Variants in ATG2B observed in about 807,000 individuals in gnomAD.
The protein encoded by ATG2B is autophagy related 2B, also known as autophagy-related protein 2 homolog B.
ATG2B carries 121 observed loss-of-function variants against 241.3 expected under a neutral mutation model. The ratio of observed to expected loss-of-function variants is 0.50; its 90% CI spans 0.43 to 0.58. The LOEUF (loss-of-function observed/expected upper bound fraction) is 0.58. Ranked by LOEUF, ATG2B falls within the 20% of genes least tolerant of loss-of-function variation. The pLI is 0.00. For synonymous variants in ATG2B, 858 were observed against 876.6 expected, an observed-to-expected ratio of 0.98 and a Z score of 0.37; for missense variants, 2,306 against 2,491.6, an observed-to-expected ratio of 0.93 and a Z score of 1.59.
At chr14:96,327,903 C>T (rs536456267) in intron 14 of ATG2B, among the ~76,000 whole-genome samples, 107 of 152,154 alleles carry the variant, frequency 7.0e-4, no homozygotes, top group Non-Finnish European at 1.1e-3. Flanking sequence ...CTGCAACCTC[C>T]GCCTCCTGGG....
At position 96,332,307 on chromosome 14, in the gene ATG2B, G is replaced by A; in HGVS notation, c.1466C>T (p.Thr489Ile). ...NLVHPTPLQK[T>I]SLPSRSVSVD... ...ACAAATGTCTTATTTTTACTTACAT[G>A]TCTTCTGTAAAGGTGTTGGGTGAAC... Residue 489 changes from threonine (T) to isoleucine (I), a missense_variant and splice_region_variant, in exon 10 of 42, where the codon ACA (threonine) becomes ATA (isoleucine). Thr to Ile is a moderately conservative substitution (Grantham distance 89). Around this residue, in one of 2 missense-constraint regions of ATG2B, gnomAD observed 1,927 missense variants for 2,011.2 expected, o/e 0.96. Transcript: ENST00000359933. 3 of 1,607,818 alleles carry A rather than the reference G, an allele frequency of 1.9e-6. No individual in the cohort carries two copies. Among genetic ancestry groups the A allele is most frequent in the Non-Finnish European group, 2.6e-6 (3 of 1,174,844 alleles).
intron 1 of ATG2B, among the ~76,000 whole-genome samples, chr14:96,360,165 T>C (rs950225954): frequency 6.6e-6 from 1 of 152,230 alleles, no homozygotes; most frequent in Non-Finnish European, 1.5e-5. Flanking sequence ...TGTTTAAGGG[T>C]TGGATTTAAA....
intron 1 of ATG2B, among the ~76,000 whole-genome samples, chr14:96,347,599 A>T (rs993325523): frequency 6.6e-6 from 1 of 152,214 alleles, no homozygotes; most frequent in African/African-American, 2.4e-5. Context: ...CAGGATTACT[A>T]ATCAGAACAT....
intron 24 of ATG2B, 54 bp downstream of exon 24, chr14:96,313,275 A>C (rs1037476180): frequency 1.4e-6 from 2 of 1,439,878 alleles, no homozygotes; most frequent in African/African-American, 2.9e-5. Flanking sequence ...TATTTTTTTC[A>C]AAATTTAGTA....
rs779535155 is a variant in ATG2B at position 96,325,810 on chromosome 14, G to A, written c.2276C>T (p.Pro759Leu). 6.2e-7 allele frequency: 1 copy of A among 1,614,006 alleles called. No individual in the cohort carries two copies. Among genetic ancestry groups the A allele is most frequent in the Non-Finnish European group, 8.5e-7 (1 of 1,179,984 alleles). ...TCTTTCTTGATCAGATCGAAGATCA[G>A]GTATTGGGAAGCGAACAGAAAGGTT... ...ALNLSVRFPI[P>L]DLRSDQERGP... Residue 759 changes from proline (P) to leucine (L), a missense_variant, in exon 15 of 42, where the codon CCT (proline) becomes CTT (leucine). Around this residue, in one of 2 missense-constraint regions of ATG2B, gnomAD observed 1,927 missense variants for 2,011.2 expected, o/e 0.96. Transcript: ENST00000359933.
intron 14 of ATG2B, among the ~76,000 whole-genome samples, chr14:96,327,281 T>G (rs1887611185): frequency 6.6e-6 from 1 of 152,032 alleles, no homozygotes; most frequent in South Asian, 2.1e-4. Context: ...GCTAATTTGA[T>G]GTGAATACTC....
rs1478505691 is a variant in ATG2B, at chr14:96,363,149, G to C, written c.-173C>G. 3.0e-6 allele frequency: 2 copies of C among 672,354 alleles called. No individual in the cohort carries two copies. Among genetic ancestry groups the C allele is most frequent in the Non-Finnish European group, 5.0e-6 (2 of 399,592 alleles). The allele number at this position is 672,354 out of a possible 1,614,324, so 41.6% of individuals were successfully genotyped here. A position where few individuals can be genotyped will look rare whatever the true frequency, so the allele number is the denominator to read the frequency against. On this transcript the variant is annotated 5_prime_UTR_variant, in exon 1 of 42. Transcript: ENST00000359933. ...CCCCATCGCCGGCGCCGCACCGCTC[G>C]CGCTGGGCCTGGCGGAGGCAAGACG...
chr14:96,311,032 T>C, intron 28 of ATG2B, 85 bp downstream of exon 28: 1 of 1,230,724 alleles, frequency 8.1e-7, no homozygotes, highest in Non-Finnish European at 1.1e-6. Context: ...GTTTCTTTTC[T>C]ACCTTATGAC....
chr14:96,362,072 G>C (rs1888649954), intron 1 of ATG2B, among the ~76,000 whole-genome samples: 1 of 152,054 alleles, frequency 6.6e-6, no homozygotes, highest in Non-Finnish European at 1.5e-5. Context: ...CACCTGTATA[G>C]CAATGAGTGA....
At chr14:96,356,574 T>C (rs185020332) in intron 1 of ATG2B, among the ~76,000 whole-genome samples, 1 of 152,262 alleles carries the variant, frequency 6.6e-6, no homozygotes, top group African/African-American at 2.4e-5. Context: ...CAAGTATTTT[T>C]AAAAATGCAG....
In ATG2B at chr14:96,309,567, G is replaced by A. The variant is rs781462885; in HGVS notation, c.4189C>T (p.Arg1397Cys). ...TCTGCTTCAGGAAGTACTGGACCAC[G>A]TGAGGATGATCGACCACTGGAATCT... The part of the protein sequence containing the change: ...KVDSSGRSSS[R>C]GPVLPEADQQ... The change falls in exon 29 of 42, where the codon CGT (arginine) becomes TGT (cysteine). Residue 1397 changes from arginine to cysteine, a missense_variant. Around this residue, in one of 2 missense-constraint regions of ATG2B, gnomAD observed 1,927 missense variants for 2,011.2 expected, o/e 0.96. Transcript: ENST00000359933. The A allele has an allele frequency of 5.0e-6, 8 of 1,613,374 alleles. No individual in the cohort carries two copies. Among genetic ancestry groups the A allele is most frequent in the East Asian group, 4.5e-5 (2 of 44,886 alleles).
chr14:96,358,764 T>G (rs1286153557), intron 1 of ATG2B, among the ~76,000 whole-genome samples: 9 of 152,142 alleles, frequency 5.9e-5, no homozygotes, highest in Admixed American at 5.9e-4. Flanking sequence ...CAAGTATTTT[T>G]TTTTTTTTAG....
Position 96,291,672 on chromosome 14 carries a change from G to A in ATG2B, c.5507C>T (p.Ala1836Val), listed in dbSNP as rs775732728. Residue 1836 changes from alanine to valine, a missense_variant, in exon 38 of 42, where the codon GCT (alanine) becomes GTT (valine). Physicochemically the swap from Ala to Val is moderately conservative, Grantham distance 64. Around this residue, in one of 2 missense-constraint regions of ATG2B, gnomAD observed 379 missense variants for 480.4 expected, o/e 0.79. Coordinates refer to ENST00000359933, the MANE Select transcript of ATG2B (RefSeq NM_018036.7). ...KHVSMDQGTL[A>V]GILIGLAQLN... is the part of the protein sequence containing the mutation. ...CTGAGCCAGACCAATCAAAATCCCA[G>A]CTAGCGTACCCTTCAAAATTAAAAA... is the stretch of plus-strand genomic sequence containing the variant. The A allele has an allele frequency of 3.1e-6, 5 of 1,604,760 alleles. No homozygotes were observed. Among genetic ancestry groups the A allele is most frequent in the Non-Finnish European group, 4.3e-6 (5 of 1,174,196 alleles).
intron 1 of ATG2B, among the ~76,000 whole-genome samples, chr14:96,355,924 C>T (rs1888460282): frequency 6.6e-6 from 1 of 152,228 alleles, no homozygotes; most frequent in East Asian, 1.9e-4. Context: ...GTAATCCCAG[C>T]ACTTTGAGAG....
rs768792897 is a variant in ATG2B, at chr14:96,328,477, T to C, written c.2033A>G (p.Asn678Ser). The change falls in exon 14 of 42, where the codon AAT becomes AGT. Residue 678 changes from asparagine to serine, a missense_variant. Physicochemically the swap from Asn to Ser is conservative, Grantham distance 46 (BLOSUM62 1). Transcript: ENST00000359933. ...PHKAELQIKL[N>S]PVCCELDISI... Reference sequence around the variant, plus strand: ...GATATCCAGCTCACAACACACTGGATTTAATTTAATTTGCAATTCTGCCTT... The same window carrying C: ...GATATCCAGCTCACAACACACTGGACTTAATTTAATTTGCAATTCTGCCTT... 3.7e-6 allele frequency: 6 copies of C among 1,613,108 alleles called. No homozygotes were observed. In the South Asian group the frequency reaches 6.6e-5, roughly 18 times the overall value.
chr14:96,351,139 TA>T (rs1156264765), intron 1 of ATG2B, among the ~76,000 whole-genome samples: 2 of 152,224 alleles, frequency 1.3e-5, no homozygotes, highest in Non-Finnish European at 2.9e-5. Context: ...TACTGATTTA[TA>T]ACATCAGTAT....
intron 27 of ATG2B, 64 bp from the exon 28 acceptor site, chr14:96,311,351 G>A (rs1350680721): frequency 1.4e-6 from 2 of 1,461,128 alleles, no homozygotes; most frequent in South Asian, 1.3e-5. Context: ...TTCTTTTTTT[G>A]CATAGATTTA....
In ATG2B at chr14:96,313,875, C is replaced by T. The variant is rs574153567; in HGVS notation, c.3643-440G>A. On this transcript the variant is annotated intron_variant, in intron 23 of 41. Coordinates refer to ENST00000359933, the MANE Select transcript of ATG2B (RefSeq NM_018036.7). ...ATATTTTTTGGCTTGGAACAATTCT[C>T]AGAAAAAATAAATTTTGCTAAAGAC... 2.6e-5 allele frequency among the ~76,000 whole-genome samples: 4 copies of T among 152,252 alleles called. No individual in the cohort carries two copies. The South Asian group carries it at 8.3e-4, about 32-fold the overall frequency.
intron 18 of ATG2B, among the ~76,000 whole-genome samples, chr14:96,320,733 G>C (rs939563573): frequency 6.6e-6 from 1 of 152,134 alleles, no homozygotes; most frequent in African/African-American, 2.4e-5. Flanking sequence ...GAAAAAAATA[G>C]GTCAAGTGTT....
Sources: gnomAD v4.1 joint callset for allele counts (sites outside exome capture counted in the v4.1 genomes callset) on GRCh38, gnomAD v4.1.1 for gene constraint, gnomAD v4.1.1 regional missense constraint, MANE v1.5 for transcripts, NCBI Gene and HGNC (gene_info 2026-07-23, HGNC 2026-07-21) for gene names.